FAM227B: variants seen among roughly 807,000 people sequenced by gnomAD.
The protein encoded by FAM227B is family with sequence similarity 227 member B, also known as protein FAM227B.
In FAM227B, 88 loss-of-function variants were observed where a neutral mutation model predicts 73.8. The ratio of observed to expected loss-of-function variants is 1.19; its 90% confidence interval spans 1.00 to 1.42. The LOEUF is 1.42. Among genes scored for constraint, FAM227B ranks in the 40% most tolerant of loss-of-function variants. The probability of loss-of-function intolerance (pLI) is 0.00; values close to 1 mark genes in which losing one functional copy is unlikely to be tolerated. For synonymous variants in FAM227B, 210 were observed against 190.5 expected (o/e 1.10, Z -0.84); for missense variants, 632 against 590.9 (o/e 1.07, Z -0.72).
intron 11 of FAM227B, among the ~76,000 whole-genome samples, chr15:49,382,099 A>G (rs2046573006): frequency 6.6e-6 from 1 of 152,072 alleles, no homozygotes; most frequent in South Asian, 2.1e-4. Context: ...TAAACAATCT[A>G]TATATGATTG....
At chr15:49,463,455 G>T (rs1205048518) in intron 11 of FAM227B, among the ~76,000 whole-genome samples, 1 of 151,512 alleles carries the variant, frequency 6.6e-6, no homozygotes, top group Admixed American at 6.6e-5. Context: ...TTGGGAGGCC[G>T]CAGGAGAATC....
intron 10 of FAM227B, among the ~76,000 whole-genome samples, chr15:49,522,548 A>C (rs934417615): frequency 2.0e-5 from 3 of 152,144 alleles, no homozygotes; most frequent in Admixed American, 1.3e-4. Context: ...CACAGATAAA[A>C]AATTCAGAAT....
chr15:49,368,739 GTTTC>G (rs927699892), intron 12 of FAM227B, among the ~76,000 whole-genome samples: 1 of 152,108 alleles, frequency 6.6e-6, no homozygotes, highest in African/African-American at 2.4e-5. Context: ...CACTCTTCCT[GTTTC>G]TTTCTTGGGT....
At chr15:49,412,618 G>A (rs2048945086) in intron 11 of FAM227B, among the ~76,000 whole-genome samples, 1 of 151,782 alleles carries the variant, frequency 6.6e-6, no homozygotes, top group East Asian at 1.9e-4. Flanking sequence ...TCAGTTTTAG[G>A]TTTTCACAAT....
At chr15:49,482,251 T>G (rs2056020892) in intron 11 of FAM227B, among the ~76,000 whole-genome samples, 1 of 152,078 alleles carries the variant, frequency 6.6e-6, no homozygotes, top group Non-Finnish European at 1.5e-5. Context: ...TTTACTTTAT[T>G]TAGTGTGTCA....
intron 3 of FAM227B, among the ~76,000 whole-genome samples, chr15:49,600,243 T>C (rs1278972363): frequency 1.3e-5 from 2 of 152,200 alleles, no homozygotes; most frequent in Non-Finnish European, 2.9e-5. Context: ...TTCTCTTTTA[T>C]TACCATTGCA....
At chr15:49,395,859 T>G in intron 11 of FAM227B, 1 of 446,570 alleles carries the variant, frequency 2.2e-6, no homozygotes, top group Admixed American at 2.5e-5. Context: ...AAGGATAGAA[T>G]TGAATCTCTC....
In FAM227B at chr15:49,549,301, T is replaced by C. The variant is rs189390499; in HGVS notation, c.748-7495A>G. On this transcript the variant is annotated intron_variant, in intron 9 of 15. Coordinates refer to ENST00000299338, the MANE Select transcript of FAM227B (RefSeq NM_152647.3). ...CCACGTTTACTTTCAAATTTTCTTC[T>C]CTTATTGATTTGCATATGTATTTTA... is the stretch of plus-strand genomic sequence containing the variant. Among the ~76,000 whole-genome samples the C allele has an allele frequency of 8.5e-3, 1,031 of 121,594 alleles. 13 individuals carry two copies. Among genetic ancestry groups the C allele is most frequent in the African/African-American group, 0.033 (990 of 29,910 alleles). 79.8% of individuals were successfully genotyped at this position (121,594 alleles called of 152,430 possible).
At chr15:49,356,111 A>C (rs1403573621) in intron 13 of FAM227B, among the ~76,000 whole-genome samples, 2 of 152,220 alleles carry the variant, frequency 1.3e-5, no homozygotes, top group Admixed American at 1.3e-4. Context: ...GGAAAGGAAC[A>C]ACCGGTACCA....
At chr15:49,546,730 T>C (rs1368556150) in intron 9 of FAM227B, among the ~76,000 whole-genome samples, 1 of 134,534 alleles carries the variant, frequency 7.4e-6, no homozygotes, top group Non-Finnish European at 1.6e-5. Flanking sequence ...CAGAGAAGTT[T>C]AGAGGAAAAA....
Position 49,340,548 on chromosome 15 carries a change from C to A in FAM227B, c.1272-5052G>T, listed in dbSNP as rs188788585. 2.0e-5 allele frequency among the ~76,000 whole-genome samples: 3 copies of A among 152,178 alleles called. No homozygotes were observed. The East Asian group carries it at 5.8e-4, about 29-fold the overall frequency. On this transcript the variant is annotated intron_variant, in intron 13 of 15. Coordinates refer to ENST00000299338, the MANE Select transcript of FAM227B (RefSeq NM_152647.3). Reference sequence around the variant, plus strand: ...TGTCAATCTTGCTGGAAGCTGCAGACCAGCGCTTTTCCTATTAGGCCATCT... The same window carrying A: ...TGTCAATCTTGCTGGAAGCTGCAGAACAGCGCTTTTCCTATTAGGCCATCT...
chr15:49,466,953 G>A (rs1470161059), intron 11 of FAM227B, among the ~76,000 whole-genome samples: 1 of 152,106 alleles, frequency 6.6e-6, no homozygotes, highest in Non-Finnish European at 1.5e-5. Context: ...TGCTAAGAAA[G>A]CCAATGACCA....
intron 11 of FAM227B, among the ~76,000 whole-genome samples, chr15:49,446,566 T>C (rs1000095653): frequency 2.6e-5 from 4 of 151,008 alleles, no homozygotes; most frequent in African/African-American, 9.7e-5. Context: ...AAGGAAGGAT[T>C]GGTTGGAGGA....
intron 8 of FAM227B, among the ~76,000 whole-genome samples, chr15:49,573,134 T>C (rs1431955308): frequency 6.6e-6 from 1 of 152,108 alleles, no homozygotes; most frequent in Non-Finnish European, 1.5e-5. Flanking sequence ...TAATCTGTTT[T>C]CATTTTCATT....
intron 13 of FAM227B, among the ~76,000 whole-genome samples, chr15:49,351,406 A>G (rs769694330): frequency 1.8e-4 from 27 of 152,230 alleles, no homozygotes; most frequent in Non-Finnish European, 8.8e-5. Flanking sequence ...CCAAGTCATG[A>G]CAGCAAATGA....
rs777828804 is a variant in FAM227B at position 49,371,394 on chromosome 15, C to T, written c.1018G>A (p.Asp340Asn). The change falls in exon 12 of 16, where the codon GAC (aspartate) becomes AAC (asparagine). Residue 340 changes from aspartate to asparagine, a missense_variant. Coordinates refer to ENST00000299338, the MANE Select transcript of FAM227B (RefSeq NM_152647.3). ...DSQEHISTSI[D>N]FNIIKILNNP... ...TTCAGAATCTTTATAATATTGAAGT[C>T]GATACCTAAAACAGAAAATAAAATA... The T allele has an allele frequency of 1.2e-5, 19 of 1,535,442 alleles. No homozygotes were observed. The East Asian group carries it at 3.5e-4, about 28-fold the overall frequency.
intron 9 of FAM227B, among the ~76,000 whole-genome samples, chr15:49,545,198 G>GT (rs2071656041): frequency 6.6e-6 from 1 of 151,962 alleles, no homozygotes; most frequent in Non-Finnish European, 1.5e-5. Flanking sequence ...TCCATTCAGA[G>GT]TTTCTATTTC....
intron 8 of FAM227B, among the ~76,000 whole-genome samples, chr15:49,571,724 T>A (rs143422327): frequency 6.6e-6 from 1 of 151,984 alleles, no homozygotes; most frequent in Non-Finnish European, 1.5e-5. Context: ...TTTATGCCAA[T>A]ACTCTGCTTT....
At chr15:49,447,700 T>C (rs1416922773) in intron 11 of FAM227B, among the ~76,000 whole-genome samples, 1 of 151,728 alleles carries the variant, frequency 6.6e-6, no homozygotes, top group Non-Finnish European at 1.5e-5. Context: ...ATGCAATCAA[T>C]TCATGGATAA....
Sources: gnomAD v4.1 joint callset for allele counts (sites outside exome capture counted in the v4.1 genomes callset) on GRCh38, gnomAD v4.1.1 for gene constraint, MANE v1.5 for transcripts, NCBI Gene and HGNC (gene_info 2026-07-23, HGNC 2026-07-21) for gene names.